Variants in NRCAM observed in about 807,000 individuals in gnomAD.
NRCAM encodes neuronal cell adhesion molecule, also known as NgCAM-related cell adhesion molecule.
In NRCAM, 83 loss-of-function variants were observed where a neutral mutation model predicts 156.5. That is an observed-to-expected ratio of 0.53 (90% confidence interval 0.44 to 0.64). The LOEUF is 0.64. Among genes scored for constraint, NRCAM ranks in the 30% least tolerant of loss-of-function variants. The pLI is 0.00. For synonymous variants in NRCAM, 538 were observed against 563.9 expected, an observed-to-expected ratio of 0.95 and a Z score of 0.65; for missense variants, 1,417 against 1,597.3, an observed-to-expected ratio of 0.89 and a Z score of 1.92.
chr7:108,344,589 C>G (rs940727165), intron 2 of NRCAM, among the ~76,000 whole-genome samples: 2 of 152,092 alleles, frequency 1.3e-5, no homozygotes, highest in African/African-American at 2.4e-5. Context: ...AGTAACAGCA[C>G]GTACTACTCT....
chr7:108,159,265 T>C, intron 32 of NRCAM, 198 bp downstream of exon 32: 1 of 726,002 alleles, frequency 1.4e-6, no homozygotes, highest in Non-Finnish European at 2.5e-6. Flanking sequence ...ATGACTAAAA[T>C]CAAAATTTAG....
At position 108,262,341 on chromosome 7, in the gene NRCAM, ATGTG is replaced by A. The variant is rs1424680926; in HGVS notation, c.-106-22175_-106-22172del. Among the ~76,000 whole-genome samples the A allele has an allele frequency of 8.6e-5, 13 of 151,990 alleles. No individual in the cohort carries two copies. The South Asian group carries it at 1.0e-3, about 12-fold the overall frequency. Reference sequence around the variant, plus strand: ...GATGTGGTGTGTGTGTGTGTGTTTGATGTGTGTATTTTTTCCAAGGCTGAAATAG... The same window carrying A: ...GATGTGGTGTGTGTGTGTGTGTTTGATGTATTTTTTCCAAGGCTGAAATAG... On this transcript the variant is annotated intron_variant, in intron 3 of 32. Transcript: ENST00000379028.
intron 11 of NRCAM, among the ~76,000 whole-genome samples, chr7:108,210,871 A>T (rs2083844099): frequency 6.6e-6 from 1 of 152,226 alleles, no homozygotes; most frequent in Non-Finnish European, 1.5e-5. Flanking sequence ...ATATTTGTCA[A>T]TAGAAATGCA....
rs2057234167 is a variant in NRCAM, at chr7:108,169,658, T to C, written c.3188-1256A>G. ...AACAGCAGAGGGCAAAACTGATTAC[T>C]GAATTATGCAGAGTCCTTCTGTGGA... On this transcript the variant is annotated intron_variant, in intron 28 of 32. Coordinates refer to ENST00000379028, the MANE Select transcript of NRCAM (RefSeq NM_001037132.4). Among the ~76,000 whole-genome samples, 3 of 152,230 alleles carry C rather than the reference T, an allele frequency of 2.0e-5. No individual in the cohort carries two copies. In the South Asian group the frequency reaches 6.2e-4, roughly 31 times the overall value.
chr7:108,303,129 T>C (rs2098655738), intron 3 of NRCAM, among the ~76,000 whole-genome samples: 1 of 152,004 alleles, frequency 6.6e-6, no homozygotes. Context: ...GCCCAGGTAA[T>C]TTTTATATTT....
intron 2 of NRCAM, among the ~76,000 whole-genome samples, chr7:108,391,284 T>G (rs1055155436): frequency 5.9e-5 from 9 of 152,288 alleles, no homozygotes; most frequent in Admixed American, 5.9e-4. Flanking sequence ...ATATTTAGGA[T>G]AGTTAGCTCT....
chr7:108,181,758 A>C (rs960842529), intron 24 of NRCAM, 64 bp downstream of exon 24: 2 of 1,098,860 alleles, frequency 1.8e-6, no homozygotes, highest in African/African-American at 1.5e-5. Flanking sequence ...TGTGGTATGC[A>C]TGACAAGTGG....
intron 2 of NRCAM, among the ~76,000 whole-genome samples, chr7:108,395,376 C>T (rs1275427776): frequency 3.3e-5 from 5 of 152,180 alleles, no homozygotes; most frequent in African/African-American, 1.2e-4. Context: ...TGTCATTGTC[C>T]TCCACCAAAA....
At chr7:108,230,194 A>G (rs971890582) in intron 8 of NRCAM, among the ~76,000 whole-genome samples, 1 of 152,040 alleles carries the variant, frequency 6.6e-6, no homozygotes, top group African/African-American at 2.4e-5. Context: ...TCAATCTCCA[A>G]AGGTAGTTAT....
intron 11 of NRCAM, among the ~76,000 whole-genome samples, chr7:108,215,095 T>C (rs2087258304): frequency 6.6e-6 from 1 of 152,198 alleles, no homozygotes; most frequent in Non-Finnish European, 1.5e-5. Context: ...GAGAGTTCTG[T>C]AGATGTCTAT....
intron 6 of NRCAM, 31 bp downstream of exon 6, chr7:108,234,552 A>T (rs1369819933): frequency 8.1e-7 from 1 of 1,237,672 alleles, no homozygotes; most frequent in Non-Finnish European, 1.2e-6. Context: ...ATTTATTCTC[A>T]GTACTATAAC....
chr7:108,348,636 G>A (rs561473488), intron 2 of NRCAM, among the ~76,000 whole-genome samples: 3 of 152,068 alleles, frequency 2.0e-5, no homozygotes, highest in Non-Finnish European at 2.9e-5. Context: ...AATTGGGGCC[G>A]GGCGTAGCAG....
chr7:108,166,803 T>G, intron 30 of NRCAM, 118 bp downstream of exon 30: 1 of 813,880 alleles, frequency 1.2e-6, no homozygotes, highest in Non-Finnish European at 1.8e-6. Context: ...CAGGGCCCCA[T>G]AGAAAGACAT....
chr7:108,445,403 G>T (rs1474735756), intron 1 of NRCAM, among the ~76,000 whole-genome samples: 2 of 152,142 alleles, frequency 1.3e-5, no homozygotes, highest in Non-Finnish European at 2.9e-5. Context: ...TCTCCAGGCT[G>T]CAGTGCAAGA....
chr7:108,298,469 C>A (rs997167746), intron 3 of NRCAM, among the ~76,000 whole-genome samples: 1 of 145,706 alleles, frequency 6.9e-6, no homozygotes. Context: ...CACGGTGAAA[C>A]CCCGTCTGTA....
chr7:108,348,905 GAAA>G (rs60746037), intron 2 of NRCAM, among the ~76,000 whole-genome samples: 10,690 of 126,290 alleles, frequency 0.085, 431 homozygotes, highest in East Asian at 0.11. Flanking sequence ...TCCATCTCAG[GAAA>G]AAAAAAAAAA....
chr7:108,297,078 G>T (rs1193250321), intron 3 of NRCAM, among the ~76,000 whole-genome samples: 2 of 152,170 alleles, frequency 1.3e-5, no homozygotes, highest in Non-Finnish European at 2.9e-5. Flanking sequence ...CAAGCCAAAG[G>T]CCCAATCAGT....
At chr7:108,300,160 C>CTTTTTTTTTTTTTTTTTT (rs10665036) in intron 3 of NRCAM, among the ~76,000 whole-genome samples, 2 of 65,858 alleles carry the variant, frequency 3.0e-5, no homozygotes, top group African/African-American at 5.7e-5. Context: ...TTTCTGTTGA[C>CTTTTTTTTTTTTTTTTTT]TTTTTTTTTT....
In NRCAM at chr7:108,173,282, G is replaced by A. The variant is rs554818984; in HGVS notation, c.3187+2040C>T. Among the ~76,000 whole-genome samples the A allele has an allele frequency of 1.8e-3, 272 of 152,074 alleles. 2 individuals carry two copies. Among genetic ancestry groups the A allele is most frequent in the South Asian group, 8.7e-3 (42 of 4,820 alleles). Reference sequence around the variant, plus strand: ...ATTACAGGTGTGAGCCACCACGCCCGGCCATATTGATGCTTCTATAGCTAA... The same window carrying A: ...ATTACAGGTGTGAGCCACCACGCCCAGCCATATTGATGCTTCTATAGCTAA... On this transcript the variant is annotated intron_variant, in intron 28 of 32. Transcript: ENST00000379028.
Sources: allele counts gnomAD v4.1 joint callset (sites outside exome capture counted in the v4.1 genomes callset), GRCh38; gene constraint gnomAD v4.1.1; transcripts MANE v1.5; gene names NCBI Gene and HGNC (gene_info 2026-07-23, HGNC 2026-07-21).